The following UNC5C variants were observed in gnomAD, a reference collection of about 807,000 sequenced individuals.
The protein encoded by UNC5C is unc-5 netrin receptor C.
Under a neutral mutation model 99.8 loss-of-function variants are expected in UNC5C, and 47 were observed. That is an observed-to-expected ratio of 0.47 (90% CI 0.37 to 0.60). The LOEUF (loss-of-function observed/expected upper bound fraction) is 0.60, where lower values mean the gene tolerates loss of function less well. UNC5C is among the 20% of genes least tolerant of loss of function. The pLI is 0.00. For synonymous variants in UNC5C, 487 were observed against 452.2 expected (o/e 1.08, Z -0.98); for missense variants, 1,062 against 1,165.9 (o/e 0.91, Z 1.30).
At chr4:95,378,224 G>A (rs1165437594) in intron 1 of UNC5C, among the ~76,000 whole-genome samples, 2 of 152,192 alleles carry the variant, frequency 1.3e-5, no homozygotes, top group Non-Finnish European at 2.9e-5. Context: ...GTTTGCAACT[G>A]AATTGGCCAC....
At chr4:95,509,455 A>G (rs925931815) in intron 1 of UNC5C, among the ~76,000 whole-genome samples, 1 of 150,456 alleles carries the variant, frequency 6.6e-6, no homozygotes, top group Non-Finnish European at 1.5e-5. Flanking sequence ...TAAATCATAA[A>G]CTAAAATAAA....
At chr4:95,423,471 G>A (rs977280080) in intron 1 of UNC5C, among the ~76,000 whole-genome samples, 2 of 151,990 alleles carry the variant, frequency 1.3e-5, no homozygotes, top group African/African-American at 4.8e-5. Context: ...TGTATGTGAG[G>A]GATTCTATCC....
At chr4:95,537,118 G>A (rs1722800749) in intron 1 of UNC5C, among the ~76,000 whole-genome samples, 1 of 152,000 alleles carries the variant, frequency 6.6e-6, no homozygotes, top group African/African-American at 2.4e-5. Flanking sequence ...GGTTATGTGA[G>A]AGTTTTTTTT....
Position 95,532,844 on chromosome 4 carries a change from A to C in UNC5C, c.124+15890T>G, listed in dbSNP as rs114744068. ...GGGAATAGAGTCAGAGGGTAGCACAAATACTCCTGTCAGTCATGGTAAGAT... is the reference window on the plus strand; with the variant it reads ...GGGAATAGAGTCAGAGGGTAGCACACATACTCCTGTCAGTCATGGTAAGAT... On this transcript the variant is annotated intron_variant, in intron 1 of 15. Coordinates refer to ENST00000453304, the MANE Select transcript of UNC5C (RefSeq NM_003728.4). Among the ~76,000 whole-genome samples, 1,344 of 151,900 alleles carry C rather than the reference A, an allele frequency of 8.8e-3. 19 individuals are homozygous for C. Among genetic ancestry groups the C allele is most frequent in the African/African-American group, 0.031 (1,292 of 41,368 alleles).
intron 1 of UNC5C, among the ~76,000 whole-genome samples, chr4:95,351,908 T>G (rs1744006213): frequency 6.6e-6 from 1 of 152,062 alleles, no homozygotes; most frequent in Non-Finnish European, 1.5e-5. Context: ...ACCAACTCTC[T>G]CCTTTTGCAA....
intron 1 of UNC5C, 100 bp downstream of exon 1, chr4:95,548,634 G>A (rs1158225997): frequency 2.1e-6 from 3 of 1,415,956 alleles, no homozygotes; most frequent in Non-Finnish European, 2.8e-6. Flanking sequence ...TGAAAGCAAC[G>A]AGGCAAATTG....
At chr4:95,437,524 T>C (rs1336921280) in intron 1 of UNC5C, among the ~76,000 whole-genome samples, 1 of 152,000 alleles carries the variant, frequency 6.6e-6, no homozygotes, top group Non-Finnish European at 1.5e-5. Context: ...AGATGCTGAA[T>C]AACCTTTAGG....
chr4:95,471,044 A>G (rs1388000735), intron 1 of UNC5C, among the ~76,000 whole-genome samples: 3 of 151,456 alleles, frequency 2.0e-5, no homozygotes, highest in Admixed American at 2.0e-4. Flanking sequence ...ATGAGCCTAA[A>G]TTAGGAAATT....
At chr4:95,419,945 T>C (rs1044903734) in intron 1 of UNC5C, among the ~76,000 whole-genome samples, 1 of 152,182 alleles carries the variant, frequency 6.6e-6, no homozygotes, top group Non-Finnish European at 1.5e-5. Context: ...TTTTTTACAA[T>C]GGCTTTTTAT....
chr4:95,205,419 G>A (rs1243971369), intron 11 of UNC5C, among the ~76,000 whole-genome samples: 2 of 152,090 alleles, frequency 1.3e-5, no homozygotes, highest in Non-Finnish European at 2.9e-5. Flanking sequence ...GCTTCGGCAA[G>A]CAGTGATCCC....
chr4:95,529,733 A>G (rs982164333), intron 1 of UNC5C, among the ~76,000 whole-genome samples: 1 of 152,266 alleles, frequency 6.6e-6, no homozygotes, highest in East Asian at 1.9e-4. Context: ...TCTCAAAAAA[A>G]AAATGGTAAT....
At chr4:95,245,888 G>A (rs1471969021) in intron 5 of UNC5C, among the ~76,000 whole-genome samples, 2 of 152,120 alleles carry the variant, frequency 1.3e-5, no homozygotes, top group Non-Finnish European at 2.9e-5. Flanking sequence ...CTTCAATAAT[G>A]TGAGTCTGTA....
intron 7 of UNC5C, among the ~76,000 whole-genome samples, chr4:95,233,794 G>T (rs755122200): frequency 6.6e-6 from 1 of 152,108 alleles, no homozygotes; most frequent in Non-Finnish European, 1.5e-5. Context: ...AATTAGGTGG[G>T]TAGGGTGGCG....
intron 7 of UNC5C, among the ~76,000 whole-genome samples, chr4:95,224,005 G>T (rs1277525498): frequency 6.6e-6 from 1 of 152,112 alleles, no homozygotes; most frequent in East Asian, 1.9e-4. Flanking sequence ...CCTGGCAGCC[G>T]GGCATGGTGG....
intron 1 of UNC5C, among the ~76,000 whole-genome samples, chr4:95,347,635 G>A (rs1743826794): frequency 6.6e-6 from 1 of 151,888 alleles, no homozygotes. Context: ...TTTGCCAAGG[G>A]TGCCAGACAT....
chr4:95,445,967 A>AC (rs77732035), intron 1 of UNC5C, among the ~76,000 whole-genome samples: 56,707 of 139,276 alleles, frequency 0.41, 11,333 homozygotes, highest in East Asian at 0.63. Context: ...AGCCTGCAAA[A>AC]AAAACAAAAC....
chr4:95,360,469 G>A (rs1403949165), intron 1 of UNC5C, among the ~76,000 whole-genome samples: 2 of 152,160 alleles, frequency 1.3e-5, no homozygotes, highest in Non-Finnish European at 2.9e-5. Flanking sequence ...AAAGTATTGT[G>A]AAATAAATAA....
At chr4:95,211,072 C>T (rs537653715) in intron 10 of UNC5C, among the ~76,000 whole-genome samples, 1 of 152,236 alleles carries the variant, frequency 6.6e-6, no homozygotes, top group South Asian at 2.1e-4. Flanking sequence ...GGGTTTAAGT[C>T]CTTGCGAAAC....
chr4:95,521,408 G>T (rs934634959), intron 1 of UNC5C, among the ~76,000 whole-genome samples: 5 of 151,718 alleles, frequency 3.3e-5, no homozygotes, highest in Admixed American at 1.3e-4. Context: ...AGTAGAGACG[G>T]GGTTTCACCA....
Sources: allele counts gnomAD v4.1 joint callset (sites outside exome capture counted in the v4.1 genomes callset), GRCh38; gene constraint gnomAD v4.1.1; transcripts MANE v1.5; gene names NCBI Gene and HGNC (gene_info 2026-07-23, HGNC 2026-07-21).